The following NTM variants were observed in gnomAD, a reference collection of about 807,000 sequenced individuals.
NTM encodes the protein IgLON family member 2.
A neutral mutation model predicts 42.1 loss-of-function variants in NTM; 13 were observed. The ratio of observed to expected loss-of-function variants is 0.31; its 90% confidence interval spans 0.20 to 0.49. The LOEUF (loss-of-function observed/expected upper bound fraction) is 0.49, where lower values mean the gene tolerates loss of function less well. NTM is among the 20% of genes least tolerant of loss of function. The probability of loss-of-function intolerance (pLI) is 0.99; values close to 1 mark genes in which losing one functional copy is unlikely to be tolerated. For synonymous variants in NTM, 187 were observed against 179.2 expected (o/e 1.04, Z -0.35); for missense variants, 373 against 452.8 (o/e 0.82, Z 1.60).
chr11:131,495,459 C>T (rs557489808), intron 1 of NTM, among the ~76,000 whole-genome samples: 13 of 152,354 alleles, frequency 8.5e-5, no homozygotes, highest in South Asian at 2.1e-4. Flanking sequence ...GCCTGTGCTG[C>T]GGTGGGGCTT....
chr11:132,301,646 G>A (rs1182497735), intron 4 of NTM, among the ~76,000 whole-genome samples: 1 of 152,206 alleles, frequency 6.6e-6, no homozygotes, highest in Non-Finnish European at 1.5e-5. Flanking sequence ...CTTGAGGTCA[G>A]CCTGGGTTTA....
chr11:131,546,655 C>T lies in NTM; in HGVS notation c.82+175767C>T, dbSNP rs1204296778. On this transcript the variant is annotated intron_variant, in intron 1 of 8. Coordinates refer to ENST00000683400, the MANE Select transcript of NTM (RefSeq NM_001352005.2). Reference sequence around the variant, plus strand: ...AGCAGTGAGAGAGACCCAGCAGCCTCTGCAGCTGCCTGGACCACTGGGGGA... The same window carrying T: ...AGCAGTGAGAGAGACCCAGCAGCCTTTGCAGCTGCCTGGACCACTGGGGGA... The T allele has an allele frequency of 2.0e-5, 3 of 152,456 alleles. No homozygotes were observed. In the East Asian group the frequency reaches 5.8e-4, roughly 29 times the overall value. The allele number at this position is 152,456 out of a possible 1,614,324, so 9.4% of individuals were successfully genotyped here.
rs558363951 is a variant in NTM at position 131,382,212 on chromosome 11, C to T, written c.82+11324C>T. ...GAGGGTTGTACTTGGATGGCCTGTG[C>T]TTTTCGGACTTTATTATTTTCCCTT... is the stretch of plus-strand genomic sequence containing the variant. On this transcript the variant is annotated intron_variant, in intron 1 of 8. Transcript: ENST00000683400. Among the ~76,000 whole-genome samples the T allele has an allele frequency of 1.3e-3, 205 of 152,176 alleles. 2 individuals are homozygous for T. The highest frequency in any genetic ancestry group is 4.3e-3 in the African/African-American group (179 of 41,522).
chr11:131,374,813 A>C (rs775213772), intron 1 of NTM, among the ~76,000 whole-genome samples: 1 of 152,216 alleles, frequency 6.6e-6, no homozygotes, highest in Non-Finnish European at 1.5e-5. Context: ...AATATGGGGC[A>C]CATGATTCTG....
intron 7 of NTM, chr11:132,317,721 TCCCCTTCCCTCTATCCCAGAGGC>T (rs772389650): frequency 6.3e-6 from 8 of 1,278,512 alleles, no homozygotes; most frequent in South Asian, 3.7e-5. Context: ...ATGTTTTGTC[TCCCCTTCCCTCTATCCCAGAGGC>T]CCCCTTCCCC....
At chr11:131,483,608 T>C (rs1489698317) in intron 1 of NTM, among the ~76,000 whole-genome samples, 1 of 152,238 alleles carries the variant, frequency 6.6e-6, no homozygotes, top group Non-Finnish European at 1.5e-5. Flanking sequence ...CCAGCTCCCC[T>C]TGCCAGGCTC....
At chr11:132,177,745 A>G (rs1592039305) in intron 3 of NTM, among the ~76,000 whole-genome samples, 1 of 152,352 alleles carries the variant, frequency 6.6e-6, no homozygotes, top group Non-Finnish European at 1.5e-5. Context: ...GTTGAAGGCA[A>G]TGAAGCCCCA....
chr11:132,200,122 A>T (rs1279565123), intron 3 of NTM, among the ~76,000 whole-genome samples: 1 of 152,124 alleles, frequency 6.6e-6, no homozygotes, highest in Non-Finnish European at 1.5e-5. Context: ...CTTCGCCTTG[A>T]TCTATTCACC....
At chr11:131,727,766 G>T (rs953231675) in intron 1 of NTM, among the ~76,000 whole-genome samples, 3 of 152,136 alleles carry the variant, frequency 2.0e-5, no homozygotes, top group African/African-American at 4.8e-5. Context: ...AGGCTAATCT[G>T]CTGTCATACA....
chr11:132,233,390 A>G (rs1375191676), intron 4 of NTM, among the ~76,000 whole-genome samples: 1 of 152,256 alleles, frequency 6.6e-6, no homozygotes. Flanking sequence ...ACTGCACTAC[A>G]GCCAGGATGA....
chr11:132,055,722 C>T lies in NTM; in HGVS notation c.168-90560C>T, dbSNP rs189783562. On this transcript the variant is annotated intron_variant, in intron 2 of 8. Transcript: ENST00000683400. The stretch of plus-strand genomic sequence containing the variant: ...GAGAACCATCAAAGCAGTACAAAGG[C>T]CAGGAGGCAGTGGTAGTGTGCACAT... 1.9e-3 allele frequency among the ~76,000 whole-genome samples: 283 copies of T among 151,988 alleles called. 3 individuals are homozygous for T. The highest frequency in any genetic ancestry group is 6.6e-3 in the African/African-American group (275 of 41,406).
At chr11:132,327,150 G>C (rs1213819812) in intron 7 of NTM, among the ~76,000 whole-genome samples, 1 of 152,184 alleles carries the variant, frequency 6.6e-6, no homozygotes, top group Non-Finnish European at 1.5e-5. Flanking sequence ...AGGACTCAAG[G>C]ATGTTCCACC....
At chr11:131,649,970 C>G (rs1338595105) in intron 1 of NTM, among the ~76,000 whole-genome samples, 1 of 152,178 alleles carries the variant, frequency 6.6e-6, no homozygotes, top group Non-Finnish European at 1.5e-5. Context: ...TTTGAGCAGA[C>G]ACGCTTCTTT....
intron 1 of NTM, among the ~76,000 whole-genome samples, chr11:131,903,057 G>C (rs993665812): frequency 1.3e-5 from 2 of 151,600 alleles, no homozygotes; most frequent in Admixed American, 1.3e-4. Flanking sequence ...AGAAAGGAGA[G>C]AGAATCCAAA....
At chr11:131,531,257 T>C (rs999817343) in intron 1 of NTM, among the ~76,000 whole-genome samples, 1 of 152,098 alleles carries the variant, frequency 6.6e-6, no homozygotes, top group African/African-American at 2.4e-5. Flanking sequence ...TACCTCAGCC[T>C]CCTGAGAAAT....
At chr11:131,447,951 G>A (rs1057212965) in intron 1 of NTM, among the ~76,000 whole-genome samples, 24 of 152,170 alleles carry the variant, frequency 1.6e-4, no homozygotes, top group Admixed American at 1.2e-3. Flanking sequence ...TTGGGCAGTC[G>A]GATTTCACAT....
At chr11:131,603,620 A>C (rs1366400919) in intron 1 of NTM, among the ~76,000 whole-genome samples, 1 of 152,196 alleles carries the variant, frequency 6.6e-6, no homozygotes, top group African/African-American at 2.4e-5. Flanking sequence ...CTATAACCAC[A>C]GTTAATTCTA....
chr11:131,578,349 G>A lies in NTM; in HGVS notation c.82+207461G>A, dbSNP rs34798612. On this transcript the variant is annotated intron_variant, in intron 1 of 8. Coordinates refer to ENST00000683400, the MANE Select transcript of NTM (RefSeq NM_001352005.2). The stretch of plus-strand genomic sequence containing the variant: ...CAGATTCAGTTATGATCTATCTAAC[G>A]GCAGGAAGTAGAGGCTCTTTGAAAG... 7.8e-3 allele frequency among the ~76,000 whole-genome samples: 1,193 copies of A among 152,210 alleles called. 10 individuals are homozygous for A. The highest frequency in any genetic ancestry group is 0.014 in the Non-Finnish European group (973 of 68,020).
intron 2 of NTM, among the ~76,000 whole-genome samples, chr11:132,006,094 C>T (rs939427197): frequency 6.6e-6 from 1 of 152,136 alleles, no homozygotes; most frequent in Non-Finnish European, 1.5e-5. Flanking sequence ...TTGGAAGCCT[C>T]ATCCCATTTG....
Sources: allele counts gnomAD v4.1 joint callset (sites outside exome capture counted in the v4.1 genomes callset), GRCh38; gene constraint gnomAD v4.1.1; transcripts MANE v1.5; gene names NCBI Gene and HGNC (gene_info 2026-07-23, HGNC 2026-07-21).